Variants in ANKRD55 observed in about 807,000 individuals in gnomAD.
ANKRD55 encodes the protein ankyrin repeat domain-containing protein 55.
Under a neutral mutation model 60.6 loss-of-function variants are expected in ANKRD55, and 41 were observed. That is an observed-to-expected ratio of 0.68 (90% CI 0.53 to 0.88). The LOEUF is 0.88. Among genes scored for constraint, ANKRD55 ranks in the 40% least tolerant of loss-of-function variants. ANKRD55 has a pLI of 0.00. For synonymous variants in ANKRD55, 264 were observed against 290.3 expected (o/e 0.91, Z 0.92); for missense variants, 732 against 767.6 (o/e 0.95, Z 0.55).
intron 2 of ANKRD55, 49 bp from the exon 3 acceptor site, chr5:56,183,683 G>C (rs756375906): frequency 1.2e-6 from 2 of 1,600,868 alleles, no homozygotes; most frequent in Admixed American, 3.4e-5. Context: ...CCAGTTCACT[G>C]AAAGAATAAC....
chr5:56,112,474 C>G (rs1756741980), intron 9 of ANKRD55, among the ~76,000 whole-genome samples: 1 of 82,272 alleles, frequency 1.2e-5, no homozygotes, highest in Non-Finnish European at 2.8e-5. Context: ...TGAGACCAGC[C>G]TGGGCAACAT....
At chr5:56,173,808 AGTAGCG>A (rs1274964959) in intron 4 of ANKRD55, among the ~76,000 whole-genome samples, 4 of 151,790 alleles carry the variant, frequency 2.6e-5, no homozygotes, top group Non-Finnish European at 5.9e-5. Flanking sequence ...GGCCTCCCAA[AGTAGCG>A]GGATTACAGG....
chr5:56,116,013 C>T (rs1404860504), intron 9 of ANKRD55, among the ~76,000 whole-genome samples: 1 of 151,970 alleles, frequency 6.6e-6, no homozygotes, highest in African/African-American at 2.4e-5. Flanking sequence ...CACCACCATG[C>T]CTGGCTAATT....
At chr5:56,221,244 T>C (rs1399158356) in intron 2 of ANKRD55, among the ~76,000 whole-genome samples, 1 of 152,220 alleles carries the variant, frequency 6.6e-6, no homozygotes, top group Admixed American at 6.5e-5. Context: ...ATTCTTCCTT[T>C]GTAGGCATCT....
Position 56,232,787 on chromosome 5 carries a change from C to A in ANKRD55, c.58+69G>T, listed in dbSNP as rs954801355. The A allele has an allele frequency of 4.1e-6, 6 of 1,476,502 alleles. No homozygotes were observed. In the African/African-American group the frequency reaches 7.0e-5, roughly 17 times the overall value. The allele number at this position is 1,476,502 out of a possible 1,614,324, so 91.5% of individuals were successfully genotyped here. On this transcript the variant is annotated intron_variant, in intron 2 of 11. Coordinates refer to ENST00000341048, the MANE Select transcript of ANKRD55 (RefSeq NM_024669.3). ...ACACACACTTCTCTTTCTCTCCTTACAACTGTAAATCCATACCATGAGACT... is the reference window on the plus strand; with the variant it reads ...ACACACACTTCTCTTTCTCTCCTTAAAACTGTAAATCCATACCATGAGACT...
chr5:56,221,102 A>G (rs1260050713), intron 2 of ANKRD55, among the ~76,000 whole-genome samples: 1 of 152,164 alleles, frequency 6.6e-6, no homozygotes, highest in Non-Finnish European at 1.5e-5. Flanking sequence ...CCAGGCTCCC[A>G]TTCAAGATCT....
At chr5:56,214,702 A>G (rs1161051270) in intron 2 of ANKRD55, among the ~76,000 whole-genome samples, 1 of 151,944 alleles carries the variant, frequency 6.6e-6, no homozygotes, top group Non-Finnish European at 1.5e-5. Context: ...GTGCTGGGTT[A>G]TATATTCACT....
In ANKRD55 at chr5:56,111,471, C is replaced by T. The variant is rs150665536; in HGVS notation, c.1277G>A (p.Arg426His). 200 of 1,614,108 alleles carry T rather than the reference C, an allele frequency of 1.2e-4. No individual in the cohort carries two copies. The highest frequency in any genetic ancestry group is 1.6e-4 in the Non-Finnish European group (185 of 1,180,016). ...YLLPEKKPLA[R>H]KGLPPIRTQS... Reference sequence around the variant, plus strand: ...CGTTCTGATTGGTGGAAGCCCCTTACGGGCCAGCGGTTTCTTTTCTGGTAA... The same window carrying T: ...CGTTCTGATTGGTGGAAGCCCCTTATGGGCCAGCGGTTTCTTTTCTGGTAA... Residue 426 changes from arginine (R) to histidine (H), a missense_variant, in exon 10 of 12, where the codon CGT (arginine) becomes CAT (histidine). By Grantham distance (29) the Arg-to-His change is conservative. This residue lies in a region of ANKRD55 where 597 missense variants were observed against 607.5 expected (regional missense o/e 0.98). Coordinates refer to ENST00000341048, the MANE Select transcript of ANKRD55 (RefSeq NM_024669.3).
At chr5:56,132,701 T>C (rs1292640862) in intron 7 of ANKRD55, among the ~76,000 whole-genome samples, 1 of 151,958 alleles carries the variant, frequency 6.6e-6, no homozygotes, top group Non-Finnish European at 1.5e-5. Flanking sequence ...GGTCTAAATG[T>C]ACCAATCAAA....
At chr5:56,129,220 A>T (rs1453705094) in intron 7 of ANKRD55, among the ~76,000 whole-genome samples, 10 of 152,120 alleles carry the variant, frequency 6.6e-5, no homozygotes, top group Non-Finnish European at 2.9e-5. Flanking sequence ...GACACTAGAC[A>T]AGAAGAAATG....
chr5:56,151,628 C>A (rs770048650), intron 6 of ANKRD55, among the ~76,000 whole-genome samples: 4 of 151,928 alleles, frequency 2.6e-5, no homozygotes, highest in Non-Finnish European at 5.9e-5. Flanking sequence ...GCCTGGCTAA[C>A]CTGGTGAAAC....
At chr5:56,107,001 A>C (rs1271498916) in intron 10 of ANKRD55, among the ~76,000 whole-genome samples, 4 of 139,294 alleles carry the variant, frequency 2.9e-5, no homozygotes, top group Non-Finnish European at 6.2e-5. Context: ...GACAGATCCT[A>C]TCTCTCTCTA....
At chr5:56,137,244 T>G (rs1469512695) in intron 7 of ANKRD55, 1 of 1,606,180 alleles carries the variant, frequency 6.2e-7, no homozygotes, top group Non-Finnish European at 8.5e-7. Context: ...GAGTGCTGAA[T>G]TTTTGCTGCA....
At chr5:56,110,452 A>G (rs1241859426) in intron 10 of ANKRD55, 3 of 152,728 alleles carry the variant, frequency 2.0e-5, no homozygotes, top group Admixed American at 2.0e-4. Flanking sequence ...AAAAGGTGGG[A>G]TATGTACATA....
intron 2 of ANKRD55, among the ~76,000 whole-genome samples, chr5:56,212,923 A>G (rs1431049258): frequency 6.6e-6 from 1 of 152,254 alleles, no homozygotes; most frequent in Non-Finnish European, 1.5e-5. Context: ...CATAAGGGGG[A>G]AAATAATTCA....
intron 6 of ANKRD55, among the ~76,000 whole-genome samples, chr5:56,149,727 T>A (rs1398663056): frequency 6.6e-6 from 1 of 152,174 alleles, no homozygotes; most frequent in Non-Finnish European, 1.5e-5. Flanking sequence ...CTCAAAATAC[T>A]TTTGGGAGGT....
chr5:56,173,582 C>CTCTATATA (rs1484157730), intron 4 of ANKRD55, among the ~76,000 whole-genome samples: 12 of 45,242 alleles, frequency 2.7e-4, no homozygotes, highest in African/African-American at 4.3e-4. Flanking sequence ...CTCTCTCTCT[C>CTCTATATA]TATATATATA....
chr5:56,111,658 C>G lies in ANKRD55; in HGVS notation c.1090G>C (p.Asp364His). ...TCTCTGTATCGGTCCCTGCTGGGATCCTTCTGATGGGCTCTCTGCTCTTCT... is the reference window on the plus strand; with the variant it reads ...TCTCTGTATCGGTCCCTGCTGGGATGCTTCTGATGGGCTCTCTGCTCTTCT... ...KKEEQRAHQKDPSRDRYREED... is the reference protein window; with the variant it reads ...KKEEQRAHQKHPSRDRYREED... The change falls in exon 10 of 12, where the codon GAT becomes CAT. Residue 364 changes from aspartate (D) to histidine (H), a missense_variant. By Grantham distance (81) the Asp-to-His change is moderately conservative. Around this residue, in one of 3 missense-constraint regions of ANKRD55, gnomAD observed 597 missense variants for 607.5 expected, o/e 0.98. Coordinates refer to ENST00000341048, the MANE Select transcript of ANKRD55 (RefSeq NM_024669.3). The G allele has an allele frequency of 2.0e-6, 3 of 1,532,248 alleles. No individual in the cohort carries two copies. Among genetic ancestry groups the G allele is most frequent in the Non-Finnish European group, 2.6e-6 (3 of 1,145,332 alleles). 94.9% of individuals were successfully genotyped at this position (1,532,248 alleles called of 1,614,324 possible).
At chr5:56,152,024 T>TA (rs397973074) in intron 6 of ANKRD55, among the ~76,000 whole-genome samples, 103 of 146,546 alleles carry the variant, frequency 7.0e-4, no homozygotes, top group African/African-American at 2.4e-3. Flanking sequence ...GATACAAAGA[T>TA]AAAAAAAGGC....
Sources: gnomAD v4.1 joint callset for allele counts (sites outside exome capture counted in the v4.1 genomes callset) on GRCh38, gnomAD v4.1.1 for gene constraint, gnomAD v4.1.1 regional missense constraint, MANE v1.5 for transcripts, NCBI Gene and HGNC (gene_info 2026-07-23, HGNC 2026-07-21) for gene names.